SEC16A: variants seen among roughly 807,000 people sequenced by gnomAD.
The protein encoded by SEC16A is SEC16 homolog A, endoplasmic reticulum export factor.
SEC16A carries 110 observed loss-of-function variants against 221.9 expected under a neutral mutation model. The observed-to-expected ratio is 0.50, with a 90% CI of 0.42 to 0.58. The LOEUF (loss-of-function observed/expected upper bound fraction) is 0.58. SEC16A is among the 20% of genes least tolerant of loss of function. SEC16A has a pLI of 0.00. For synonymous variants in SEC16A, 1,393 were observed against 1,257.7 expected (o/e 1.11, Z -2.28); for missense variants, 3,165 against 3,097.8 (o/e 1.02, Z -0.52).
At chr9:136,451,626 G>T (rs373142580) in intron 22 of SEC16A, among the ~76,000 whole-genome samples, 2 of 152,164 alleles carry the variant, frequency 1.3e-5, no homozygotes, top group African/African-American at 4.8e-5. Flanking sequence ...AGAGCCAGCC[G>T]CACTTAATAA....
chr9:136,480,367 T>C (rs1035695185), intron 1 of SEC16A, among the ~76,000 whole-genome samples: 4 of 152,150 alleles, frequency 2.6e-5, no homozygotes, highest in African/African-American at 2.4e-5. Flanking sequence ...AAAGCTTTTG[T>C]TTGCTTTAAA....
intron 30 of SEC16A, among the ~76,000 whole-genome samples, chr9:136,444,820 G>A (rs1456462702): frequency 6.6e-6 from 1 of 150,892 alleles, no homozygotes; most frequent in Non-Finnish European, 1.5e-5. Context: ...TGGAGGTGGC[G>A]GTGAGCTGAG....
intron 13 of SEC16A, 49 bp downstream of exon 13, chr9:136,461,128 A>G: frequency 6.9e-7 from 1 of 1,456,270 alleles, no homozygotes; most frequent in Non-Finnish European, 9.5e-7. Flanking sequence ...CGCGTGCTAC[A>G]GGGAGCCAGC....
In SEC16A at chr9:136,441,569, T is replaced by C. The variant is rs1836185646; in HGVS notation, c.*186A>G. The C allele has an allele frequency of 5.1e-6, 3 of 585,212 alleles. No homozygotes were observed. The highest frequency in any genetic ancestry group is 5.7e-5 in the Admixed American group (2 of 35,244). 36.3% of individuals were successfully genotyped at this position (585,212 alleles called of 1,614,324 possible). On this transcript the variant is annotated 3_prime_UTR_variant, in exon 32 of 32. Transcript: ENST00000684901. The stretch of plus-strand genomic sequence containing the variant: ...TCTTTCCATCCAGAATCTGAAAGGA[T>C]GGTGGAATTAATTTTCAAAATAATT...
At position 136,441,705 on chromosome 9, in the gene SEC16A, G is replaced by A. The variant is rs753550575; in HGVS notation, c.*50C>T. On this transcript the variant is annotated 3_prime_UTR_variant, in exon 32 of 32. Coordinates refer to ENST00000684901, the MANE Select transcript of SEC16A (RefSeq NM_014866.2). Reference sequence around the variant, plus strand: ...CGCGGAGGTCGGTCGGGTTCTTCGGGGAGAACAGCAGCGTCAGGGCTCCAA... The same window carrying A: ...CGCGGAGGTCGGTCGGGTTCTTCGGAGAGAACAGCAGCGTCAGGGCTCCAA... 6.4e-7 allele frequency: 1 copy of A among 1,567,952 alleles called. No individual in the cohort carries two copies. The highest frequency in any genetic ancestry group is 8.8e-7 in the Non-Finnish European group (1 of 1,139,138).
In SEC16A at chr9:136,474,416, T is replaced by C. The variant is rs760738636; in HGVS notation, c.3200A>G (p.Gln1067Arg). ...AQQELVPPQQ[Q>R]ASPPQLPKAM... ...TTTGGGTAGTTGTGGGGGAGAAGCC[T>C]GTTGCTGGGGTGGCACCAGCTCCTG... Residue 1067 changes from glutamine to arginine, a missense_variant, in exon 3 of 32, where the codon CAG becomes CGG. Transcript: ENST00000684901. 9 of 1,612,888 alleles carry C rather than the reference T, an allele frequency of 5.6e-6. No individual in the cohort carries two copies. The highest frequency in any genetic ancestry group is 8.5e-7 in the Non-Finnish European group (1 of 1,179,896).
chr9:136,448,065 C>A lies in SEC16A; in HGVS notation c.6390+19G>T, dbSNP rs1486784506. On this transcript the variant is annotated intron_variant, in intron 24 of 31. Coordinates refer to ENST00000684901, the MANE Select transcript of SEC16A (RefSeq NM_014866.2). ...ATTACAATTCTTCGGACGTCCCGTGCGTATTTGACAGCACTCACCGATTTG... is the reference window on the plus strand; with the variant it reads ...ATTACAATTCTTCGGACGTCCCGTGAGTATTTGACAGCACTCACCGATTTG... 2 of 1,601,158 alleles carry A rather than the reference C, an allele frequency of 1.2e-6. No homozygotes were observed. Among genetic ancestry groups the A allele is most frequent in the Non-Finnish European group, 1.7e-6 (2 of 1,170,450 alleles).
rs1204101738 is a variant in SEC16A, at chr9:136,466,130, TCTG to T, written c.4132_4134del (p.Gln1378del). Reference sequence around the variant, plus strand: ...GCAGCCACATTGTGGCTTCTGTAAATCTGACTCTTAGAAAACAAAGCAAACGGG... The same window carrying T: ...GCAGCCACATTGTGGCTTCTGTAAATACTCTTAGAAAACAAAGCAAACGGG... On this transcript the variant is annotated inframe_deletion, in exon 8 of 32. Coordinates refer to ENST00000684901, the MANE Select transcript of SEC16A (RefSeq NM_014866.2). This position sits in a 1 kb window ranked among gnomAD's most constrained non-coding sequence, Gnocchi z 5.5. The T allele has an allele frequency of 1.3e-6, 2 of 1,593,182 alleles. No individual in the cohort carries two copies. The highest frequency in any genetic ancestry group is 1.7e-6 in the Non-Finnish European group (2 of 1,168,308).
intron 31 of SEC16A, among the ~76,000 whole-genome samples, chr9:136,443,192 G>C (rs936684213): frequency 6.6e-6 from 1 of 152,042 alleles, no homozygotes; most frequent in Non-Finnish European, 1.5e-5. Context: ...CCTAGGAAAA[G>C]GCAAAGCGAA....
intron 22 of SEC16A, among the ~76,000 whole-genome samples, chr9:136,451,720 G>A (rs1837843447): frequency 6.6e-6 from 1 of 152,210 alleles, no homozygotes; most frequent in South Asian, 2.1e-4. Flanking sequence ...AACGGAGTGT[G>A]AGCATGCACT....
rs1417104281 is a variant in SEC16A, at chr9:136,475,679, C to T, written c.1937G>A (p.Arg646Lys). 1.2e-6 allele frequency: 2 copies of T among 1,613,798 alleles called. No individual in the cohort carries two copies. The change falls in exon 3 of 32, where the codon AGA (arginine) becomes AAA (lysine). Residue 646 changes from arginine (R) to lysine (K), a missense_variant. This residue lies in a region of SEC16A where 2,030 missense variants were observed against 1,923.1 expected (regional missense o/e 1.06). Transcript: ENST00000684901. The surrounding 1 kb of genome is among the most constrained non-coding windows in gnomAD (Gnocchi z 5.0). Reference sequence around the variant, plus strand: ...AGCATCGGGCAGGGCGGCAGCTGGTCTGCACTGCTTCTGGCGGACACAGGT... The same window carrying T: ...AGCATCGGGCAGGGCGGCAGCTGGTTTGCACTGCTTCTGGCGGACACAGGT... ...RETCVRQKQC[R>K]PAAALPDASP...
Position 136,477,579 on chromosome 9 carries a change from C to T in SEC16A, c.37G>A (p.Ala13Thr). 6.2e-7 allele frequency: 1 copy of T among 1,612,352 alleles called. No homozygotes were observed. The highest frequency in any genetic ancestry group is 1.1e-5 in the South Asian group (1 of 90,990). ...GGATTCCCGGCTGGAGGTGGCCCAG[C>T]CATGCCAGACGGGACCGTCTGGGGC... The part of the protein sequence containing the change: ...PPPQTVPSGM[A>T]GPPPAGNPRS... The change falls in exon 3 of 32, where the codon GCT (alanine) becomes ACT (threonine). Residue 13 changes from alanine to threonine, a missense_variant. Transcript: ENST00000684901.
chr9:136,464,707 T>C (rs1839929229), intron 8 of SEC16A, 145 bp from the exon 9 acceptor site: 2 of 702,294 alleles, frequency 2.8e-6, no homozygotes, highest in East Asian at 2.6e-5. Flanking sequence ...AATTGTTTAA[T>C]ATCATACTTA....
chr9:136,478,277 C>T (rs1271325456), intron 2 of SEC16A, among the ~76,000 whole-genome samples: 6 of 152,158 alleles, frequency 3.9e-5, no homozygotes. Context: ...GTGGTGCACA[C>T]CTGTAGTCCC....
At position 136,462,921 on chromosome 9, in the gene SEC16A, C is replaced by T; in HGVS notation, c.4859G>A (p.Arg1620Lys). 2 of 1,603,112 alleles carry T rather than the reference C, an allele frequency of 1.2e-6. No homozygotes were observed. The highest frequency in any genetic ancestry group is 1.7e-6 in the Non-Finnish European group (2 of 1,179,828). Reference sequence around the variant, plus strand: ...GCCATACAGCAACAGCTCCCTGAACCTCTCGGTCTCTCTCTCGAGCGAGCT... The same window carrying T: ...GCCATACAGCAACAGCTCCCTGAACTTCTCGGTCTCTCTCTCGAGCGAGCT... ...AASSLERETERFRELLLYGRK... is the reference protein window; with the variant it reads ...AASSLERETEKFRELLLYGRK... Residue 1620 changes from arginine to lysine, a missense_variant, in exon 12 of 32, where the codon AGG (arginine) becomes AAG (lysine). Physicochemically the swap from Arg to Lys is conservative, Grantham distance 26 (BLOSUM62 2). Around this residue, in one of 3 missense-constraint regions of SEC16A, gnomAD observed 1,088 missense variants for 1,089.6 expected, o/e 1.00. Coordinates refer to ENST00000684901, the MANE Select transcript of SEC16A (RefSeq NM_014866.2).
chr9:136,459,177 G>A lies in SEC16A; in HGVS notation c.5366C>T (p.Ala1789Val). The A allele has an allele frequency of 6.2e-7, 1 of 1,613,846 alleles. No individual in the cohort carries two copies. The highest frequency in any genetic ancestry group is 8.5e-7 in the Non-Finnish European group (1 of 1,179,752). Residue 1789 changes from alanine to valine, a missense_variant, in exon 17 of 32, where the codon GCC becomes GTC. Ala to Val is a moderately conservative substitution (Grantham distance 64). Around this residue, in one of 3 missense-constraint regions of SEC16A, gnomAD observed 1,088 missense variants for 1,089.6 expected, o/e 1.00. Transcript: ENST00000684901. This position sits in a 1 kb window ranked among gnomAD's most constrained non-coding sequence, Gnocchi z 6.1. ...AIQRTEAYEY[A>V]QSLGAETCPL... is the part of the protein sequence containing the mutation. ...GCAGGTCTCGGCACCCAGGGACTGGGCGTACTCATAGGCTTCCGTCCTCTG... is the reference window on the plus strand; with the variant it reads ...GCAGGTCTCGGCACCCAGGGACTGGACGTACTCATAGGCTTCCGTCCTCTG...
At chr9:136,484,325 G>A, upstream of SEC16A, 7 of 1,107,436 alleles carry the variant, frequency 6.3e-6, no homozygotes, top group Non-Finnish European at 7.8e-6. Context: ...GCCTGCCACG[G>A]CCAGGCCAGG....
intron 5 of SEC16A, 103 bp from the exon 6 acceptor site, chr9:136,467,186 G>C: frequency 7.5e-7 from 1 of 1,340,696 alleles, no homozygotes; most frequent in Non-Finnish European, 1.0e-6. Flanking sequence ...ATGCTCCAAG[G>C]ACTCCTCGAG....
intron 17 of SEC16A, among the ~76,000 whole-genome samples, chr9:136,458,304 G>C (rs1202528377): frequency 6.6e-6 from 1 of 152,018 alleles, no homozygotes; most frequent in African/African-American, 2.4e-5. Flanking sequence ...CCCCCACACT[G>C]CATCAGAGAA....
Sources: allele counts gnomAD v4.1 joint callset (sites outside exome capture counted in the v4.1 genomes callset), GRCh38; gene constraint gnomAD v4.1.1; regional missense constraint gnomAD v4.1.1; non-coding constraint Gnocchi (gnomAD v3.1); transcripts MANE v1.5; gene names NCBI Gene and HGNC (gene_info 2026-07-23, HGNC 2026-07-21).